Variants in ODAD2 observed in about 807,000 individuals in gnomAD.
The protein encoded by ODAD2 is outer dynein arm-docking complex subunit 2.
Under a neutral mutation model 106.8 loss-of-function variants are expected in ODAD2, and 89 were observed. The observed-to-expected ratio is 0.83, with a 90% CI of 0.70 to 0.99. The LOEUF is 0.99. Ranked by LOEUF, ODAD2 falls within the 50% of genes least tolerant of loss-of-function variation. ODAD2 has a pLI of 0.00. For synonymous variants in ODAD2, 404 were observed against 436.2 expected, an observed-to-expected ratio of 0.93 and a Z score of 0.92; for missense variants, 1,168 against 1,238.5, an observed-to-expected ratio of 0.94 and a Z score of 0.85.
chr10:27,851,103 A>G (rs1321494373), intron 19 of ODAD2, among the ~76,000 whole-genome samples: 1 of 152,130 alleles, frequency 6.6e-6, no homozygotes, highest in African/African-American at 2.4e-5. Context: ...GAAAAGAACC[A>G]CCTGAAAAGA....
At chr10:27,921,161 A>G (rs1257830136) in intron 16 of ODAD2, among the ~76,000 whole-genome samples, 2 of 151,982 alleles carry the variant, frequency 1.3e-5, no homozygotes, top group African/African-American at 4.8e-5. Context: ...TAATAGAAAT[A>G]CCTGTTCCTT....
Position 27,944,833 on chromosome 10 carries a change from C to T in ODAD2, c.1516G>A (p.Asp506Asn), listed in dbSNP as rs185614747. The change falls in exon 11 of 20, where the codon GAT (aspartate) becomes AAT (asparagine). Residue 506 changes from aspartate to asparagine, a missense_variant. By Grantham distance (23) the Asp-to-Asn change is conservative (BLOSUM62 1). Around this residue, in one of 3 missense-constraint regions of ODAD2, gnomAD observed 701 missense variants for 712.3 expected, o/e 0.98. Transcript: ENST00000305242. Reference protein sequence around the residue: ...LEVLINLLETDEVKCKIGSLK... With the variant: ...LEVLINLLETNEVKCKIGSLK... ...CCACTCACCTTACATTTGACTTCATCGGTTTCAAGCAAATTTATCAGCACT... is the reference window on the plus strand; with the variant it reads ...CCACTCACCTTACATTTGACTTCATTGGTTTCAAGCAAATTTATCAGCACT... The T allele has an allele frequency of 8.7e-6, 14 of 1,614,106 alleles. No individual in the cohort carries two copies. Among genetic ancestry groups the T allele is most frequent in the East Asian group, 4.5e-5 (2 of 44,868 alleles).
Position 27,820,270 on chromosome 10 carries a change from T to C in ODAD2, c.3022-7645A>G, listed in dbSNP as rs376967200. The stretch of plus-strand genomic sequence containing the variant: ...GAAAGGAAACCCTTGACCTGATGCC[T>C]GTCAAAATCTAGCCTGCGTTTCGCC... On this transcript the variant is annotated intron_variant, in intron 19 of 19. Transcript: ENST00000305242. Among the ~76,000 whole-genome samples, 74 of 152,160 alleles carry C rather than the reference T, an allele frequency of 4.9e-4. No individual in the cohort carries two copies. In the East Asian group the frequency reaches 8.0e-3, roughly 16 times the overall value.
At chr10:27,897,946 C>T (rs952021695) in intron 17 of ODAD2, among the ~76,000 whole-genome samples, 1 of 151,590 alleles carries the variant, frequency 6.6e-6, no homozygotes, top group East Asian at 1.9e-4. Flanking sequence ...GCATACGAGA[C>T]CAGCCAGATA....
At chr10:27,896,532 C>T (rs1366852761) in intron 17 of ODAD2, among the ~76,000 whole-genome samples, 3 of 152,100 alleles carry the variant, frequency 2.0e-5, no homozygotes, top group African/African-American at 7.2e-5. Flanking sequence ...TAAGGAGGTG[C>T]CTCTTTCAGT....
intron 16 of ODAD2, among the ~76,000 whole-genome samples, chr10:27,928,914 T>C (rs1845433890): frequency 6.6e-6 from 1 of 152,142 alleles, no homozygotes; most frequent in Non-Finnish European, 1.5e-5. Context: ...CCATTTTATG[T>C]ATATGGTGAC....
At chr10:27,887,038 A>G (rs1464643874) in intron 17 of ODAD2, among the ~76,000 whole-genome samples, 1 of 152,072 alleles carries the variant, frequency 6.6e-6, no homozygotes, top group Non-Finnish European at 1.5e-5. Context: ...TTAAATGTAA[A>G]TGGAATAAAG....
intron 19 of ODAD2, among the ~76,000 whole-genome samples, chr10:27,844,889 G>A (rs1023112420): frequency 7.9e-5 from 12 of 152,132 alleles, no homozygotes; most frequent in African/African-American, 2.7e-4. Context: ...ATTTGACTTA[G>A]CAGAAGCAAG....
At chr10:27,822,355 T>C (rs2132877157) in intron 19 of ODAD2, among the ~76,000 whole-genome samples, 1 of 152,336 alleles carries the variant, frequency 6.6e-6, no homozygotes, top group East Asian at 1.9e-4. Context: ...TCAGGAGTTT[T>C]AATTAGAGCT....
chr10:27,913,617 A>G (rs1844161766), intron 16 of ODAD2, among the ~76,000 whole-genome samples: 1 of 152,178 alleles, frequency 6.6e-6, no homozygotes, highest in African/African-American at 2.4e-5. Flanking sequence ...CACAATCTAT[A>G]AGAAACTTAA....
At chr10:27,822,545 G>A (rs761943686) in intron 19 of ODAD2, among the ~76,000 whole-genome samples, 2 of 152,212 alleles carry the variant, frequency 1.3e-5, no homozygotes, top group Non-Finnish European at 2.9e-5. Flanking sequence ...GTCCGCCTAT[G>A]GAATGGCTTC....
intron 16 of ODAD2, among the ~76,000 whole-genome samples, chr10:27,919,790 C>G (rs1327614232): frequency 6.6e-6 from 1 of 152,026 alleles, no homozygotes; most frequent in Non-Finnish European, 1.5e-5. Context: ...CAATACTAAT[C>G]TATAGTAATG....
intron 19 of ODAD2, among the ~76,000 whole-genome samples, chr10:27,856,996 G>T (rs1402862009): frequency 6.6e-6 from 1 of 151,986 alleles, no homozygotes; most frequent in Non-Finnish European, 1.5e-5. Context: ...ATAATATAAA[G>T]TATCTTAAGT....
chr10:27,975,384 T>C (rs912653853), intron 7 of ODAD2, among the ~76,000 whole-genome samples: 1 of 152,002 alleles, frequency 6.6e-6, no homozygotes, highest in Non-Finnish European at 1.5e-5. Flanking sequence ...AAATCTATAG[T>C]CCTATAGGTG....
chr10:27,955,599 T>G (rs1030014913), intron 10 of ODAD2, among the ~76,000 whole-genome samples: 1 of 152,126 alleles, frequency 6.6e-6, no homozygotes, highest in Non-Finnish European at 1.5e-5. Context: ...GAAAGGAATT[T>G]AATTAACTGT....
At chr10:27,945,561 G>A (rs550474805) in intron 10 of ODAD2, among the ~76,000 whole-genome samples, 11 of 152,274 alleles carry the variant, frequency 7.2e-5, no homozygotes, top group East Asian at 3.9e-4. Context: ...CTGGCTGAAC[G>A]CAGAGTCTTG....
At chr10:27,991,406 A>G (rs1443723030) in intron 2 of ODAD2, among the ~76,000 whole-genome samples, 1 of 152,232 alleles carries the variant, frequency 6.6e-6, no homozygotes, top group Non-Finnish European at 1.5e-5. Flanking sequence ...GCACAAAAGG[A>G]CAGAAGGCAG....
intron 19 of ODAD2, among the ~76,000 whole-genome samples, chr10:27,827,234 G>T (rs2132945105): frequency 6.6e-6 from 1 of 151,776 alleles, no homozygotes; most frequent in East Asian, 1.9e-4. Context: ...AGGACATCAT[G>T]GTATGTCCTT....
At chr10:27,857,557 A>T (rs906202405) in intron 19 of ODAD2, among the ~76,000 whole-genome samples, 1 of 152,226 alleles carries the variant, frequency 6.6e-6, no homozygotes, top group African/African-American at 2.4e-5. Flanking sequence ...TAGAAAATTT[A>T]ATATTACATA....
Sources: gnomAD v4.1 joint callset for allele counts (sites outside exome capture counted in the v4.1 genomes callset) on GRCh38, gnomAD v4.1.1 for gene constraint, gnomAD v4.1.1 regional missense constraint, MANE v1.5 for transcripts, NCBI Gene and HGNC (gene_info 2026-07-23, HGNC 2026-07-21) for gene names.